Variants in RPIA observed in about 807,000 individuals in gnomAD.
RPIA encodes ribose 5-phosphate isomerase A, also known as ribose-5-phosphate isomerase.
Under a neutral mutation model 37.8 loss-of-function variants are expected in RPIA, and 29 were observed. The observed-to-expected ratio is 0.77, with a 90% CI of 0.57 to 1.05. The LOEUF (loss-of-function observed/expected upper bound fraction) is 1.05, where lower values mean the gene tolerates loss of function less well. RPIA is among the 50% of genes least tolerant of loss of function. The probability of loss-of-function intolerance (pLI) is 0.00; values close to 1 mark genes in which losing one functional copy is unlikely to be tolerated. For missense variants in RPIA, 385 were observed against 413.6 expected, an observed-to-expected ratio of 0.93 and a Z score of 0.60; for synonymous variants, 167 against 157.0, an observed-to-expected ratio of 1.06 and a Z score of -0.48.
chr2:88,722,156 A>G (rs972511838), intron 3 of RPIA, among the ~76,000 whole-genome samples: 13 of 149,470 alleles, frequency 8.7e-5, no homozygotes, highest in Admixed American at 4.6e-4. Context: ...TTTTTCACCA[A>G]AAAAACCCTT....
chr2:88,734,483 G>A (rs1164549691), intron 4 of RPIA, 69 bp from the exon 5 acceptor site: 12 of 1,431,892 alleles, frequency 8.4e-6, no homozygotes, highest in South Asian at 5.7e-5. Flanking sequence ...ATGAGCTATC[G>A]CATGCTCAGG....
At chr2:88,722,679 A>T (rs540720028) in intron 3 of RPIA, among the ~76,000 whole-genome samples, 2 of 152,350 alleles carry the variant, frequency 1.3e-5, no homozygotes, top group East Asian at 3.9e-4. Flanking sequence ...CTCACAGTAC[A>T]AGGTGATCTC....
At chr2:88,747,184 G>T (rs1375762637) in intron 8 of RPIA, among the ~76,000 whole-genome samples, 6 of 152,108 alleles carry the variant, frequency 3.9e-5, no homozygotes, top group Admixed American at 3.9e-4. Context: ...TTCCCAGGGG[G>T]ATTATGGCTG....
At chr2:88,729,690 C>T (rs1280616284) in intron 4 of RPIA, among the ~76,000 whole-genome samples, 2 of 152,168 alleles carry the variant, frequency 1.3e-5, no homozygotes, top group Non-Finnish European at 2.9e-5. Context: ...GAAGAATCAT[C>T]TGAGGCAGCC....
chr2:88,727,498 G>A (rs190824201), intron 3 of RPIA, among the ~76,000 whole-genome samples: 16 of 152,286 alleles, frequency 1.1e-4, no homozygotes, highest in African/African-American at 1.2e-4. Flanking sequence ...TGTCACCCAG[G>A]TGTTAAGCCT....
intron 3 of RPIA, 149 bp downstream of exon 3, chr2:88,700,213 T>G (rs1191315992): frequency 2.6e-6 from 2 of 783,246 alleles, no homozygotes; most frequent in Non-Finnish European, 4.6e-6. Context: ...CAAGGATTCC[T>G]TCTTGGAATT....
At chr2:88,743,535 GTAATACTGGC>G (rs1264662585) in intron 8 of RPIA, among the ~76,000 whole-genome samples, 4 of 151,998 alleles carry the variant, frequency 2.6e-5, no homozygotes, top group African/African-American at 9.7e-5. Context: ...TGGTATTAGG[GTAATACTGGC>G]TTCATAGAAT....
In RPIA at chr2:88,734,593, T is replaced by C. The variant is rs754242740; in HGVS notation, c.504T>C (p.Asp168=). 4 of 1,614,124 alleles carry C rather than the reference T, an allele frequency of 2.5e-6. No individual in the cohort carries two copies. In the African/African-American group the frequency reaches 4.0e-5, roughly 16 times the overall value. Residue 168 remains aspartate, a synonymous_variant, in exon 5 of 9, where the codon GAT becomes GAC. Transcript: ENST00000283646. ...ATGGTGCTGATGAAGTAGATGCTGA[T>C]CTCAATCTCATCAAGGGTGGCGGGT... ...AIDGADEVDA[D]LNLIKGGGGC...
chr2:88,696,991 T>C (rs753871722), intron 1 of RPIA, among the ~76,000 whole-genome samples: 3 of 152,218 alleles, frequency 2.0e-5, no homozygotes, highest in Non-Finnish European at 4.4e-5. Context: ...TAAGCTCATA[T>C]GTAGTAAAAA....
At chr2:88,722,910 G>C (rs1002369059) in intron 3 of RPIA, among the ~76,000 whole-genome samples, 1 of 152,184 alleles carries the variant, frequency 6.6e-6, no homozygotes, top group Non-Finnish European at 1.5e-5. Flanking sequence ...GGAAGAAGGA[G>C]GTATAGGGTG....
chr2:88,721,448 TATA>T (rs1289272807), intron 3 of RPIA, among the ~76,000 whole-genome samples: 2 of 148,078 alleles, frequency 1.4e-5, no homozygotes, highest in Non-Finnish European at 3.0e-5. Context: ...ATATAATTAG[TATA>T]ATATAAAATA....
At chr2:88,698,733 C>T (rs1221741993) in intron 2 of RPIA, among the ~76,000 whole-genome samples, 189 bp downstream of exon 2, 2 of 152,174 alleles carry the variant, frequency 1.3e-5, no homozygotes, top group Non-Finnish European at 2.9e-5. Context: ...AATCTTGGGC[C>T]TCTTCATCCA....
chr2:88,736,559 T>A lies in RPIA; in HGVS notation c.621T>A (p.Asp207Glu), dbSNP rs761431854. ...DFRKDSKNLG[D>E]QWHKGIPIEV... Reference sequence around the variant, plus strand: ...GGAAAGATTCGAAGAATCTCGGGGATCAGTGGCACAAGGGAATCCCCATCG... The same window carrying A: ...GGAAAGATTCGAAGAATCTCGGGGAACAGTGGCACAAGGGAATCCCCATCG... Residue 207 changes from aspartate to glutamate, a missense_variant, in exon 7 of 9, where the codon GAT (aspartate) becomes GAA (glutamate). Around this residue, in one of 2 missense-constraint regions of RPIA, gnomAD observed 153 missense variants for 210.6 expected, o/e 0.73. Coordinates refer to ENST00000283646, the MANE Select transcript of RPIA (RefSeq NM_144563.3). 4.3e-6 allele frequency: 7 copies of A among 1,614,046 alleles called. No individual in the cohort carries two copies.
At chr2:88,722,164 C>CT (rs59179173) in intron 3 of RPIA, among the ~76,000 whole-genome samples, 10,066 of 150,482 alleles carry the variant, frequency 0.067, 614 homozygotes, top group African/African-American at 0.16. Flanking sequence ...CAAAAAAACC[C>CT]TTTTTTTTTA....
intron 3 of RPIA, 104 bp downstream of exon 3, chr2:88,700,168 G>A (rs1466993775): frequency 9.5e-7 from 1 of 1,054,574 alleles, no homozygotes; most frequent in Admixed American, 1.7e-5. Flanking sequence ...GGTTGTTCTA[G>A]GTCAGAGAGT....
intron 2 of RPIA, 100 bp downstream of exon 2, chr2:88,698,644 T>C (rs1672789102): frequency 1.8e-6 from 2 of 1,089,474 alleles, no homozygotes; most frequent in African/African-American, 1.5e-5. Context: ...CATTGCCCTT[T>C]TGGCTTCAGC....
chr2:88,725,051 T>G (rs1673178967), intron 3 of RPIA, among the ~76,000 whole-genome samples: 1 of 152,244 alleles, frequency 6.6e-6, no homozygotes, highest in South Asian at 2.1e-4. Flanking sequence ...TGGGGTTTGC[T>G]TCTTGCCTTT....
chr2:88,747,250 A>T (rs999060786), intron 8 of RPIA, among the ~76,000 whole-genome samples: 2 of 151,444 alleles, frequency 1.3e-5, no homozygotes, highest in South Asian at 2.1e-4. Context: ...GCAGTGACAG[A>T]CCCCCACCCA....
In RPIA at chr2:88,735,538, C is replaced by A. The variant is rs548726379; in HGVS notation, c.528-131C>A. ...CAGCATGATGGGACTGGGGATGTCC[C>A]TTTAAAAATTAAAAGTTAAGTTTCT... On this transcript the variant is annotated intron_variant, in intron 5 of 8. Transcript: ENST00000283646. The A allele has an allele frequency of 4.1e-5, 34 of 837,104 alleles. No homozygotes were observed. In the Admixed American group the frequency reaches 5.0e-4, roughly 12 times the overall value. 51.9% of individuals were successfully genotyped at this position (837,104 alleles called of 1,614,324 possible). A position where few individuals can be genotyped will look rare whatever the true frequency, so the allele number is the denominator to read the frequency against.
Sources: allele counts gnomAD v4.1 joint callset (sites outside exome capture counted in the v4.1 genomes callset), GRCh38; gene constraint gnomAD v4.1.1; regional missense constraint gnomAD v4.1.1; transcripts MANE v1.5; gene names NCBI Gene and HGNC (gene_info 2026-07-23, HGNC 2026-07-21).